The following PNPLA7 variants were observed in gnomAD, a reference collection of about 807,000 sequenced individuals.
PNPLA7 encodes the protein patatin like domain 7, lysophospholipase.
Under a neutral mutation model 161.7 loss-of-function variants are expected in PNPLA7, and 153 were observed. That is an observed-to-expected ratio of 0.95 (90% CI 0.83 to 1.08). The LOEUF is 1.08. Among genes scored for constraint, PNPLA7 ranks in the 50% least tolerant of loss-of-function variants. The probability of loss-of-function intolerance (pLI) is 0.00; values close to 1 mark genes in which losing one functional copy is unlikely to be tolerated. For missense variants in PNPLA7, 1,739 were observed against 1,856.6 expected (o/e 0.94, Z 1.16); for synonymous variants, 809 against 782.1 (o/e 1.03, Z -0.57).
In PNPLA7 at chr9:137,541,569, G is replaced by T; in HGVS notation, c.667-847C>A. The T allele has an allele frequency of 1.2e-6, 1 of 859,288 alleles. No individual in the cohort carries two copies. Among genetic ancestry groups the T allele is most frequent in the Non-Finnish European group, 1.4e-6 (1 of 714,712 alleles). The allele number at this position is 859,288 out of a possible 1,614,324, so 53.2% of individuals were successfully genotyped here. ...GATGATCACACAAAGCCCAGGGTTT[G>T]CTGAGTGCGTGCTTTAAATGAGAAC... On this transcript the variant is annotated intron_variant, in intron 7 of 34. Coordinates refer to ENST00000406427, the MANE Select transcript of PNPLA7 (RefSeq NM_001098537.3). The surrounding 1 kb of genome is among the most constrained non-coding windows in gnomAD (Gnocchi z 4.4).
intron 17 of PNPLA7, 67 bp from the exon 18 acceptor site, chr9:137,497,377 A>G (rs1833121554): frequency 2.9e-6 from 4 of 1,373,214 alleles, no homozygotes; most frequent in East Asian, 2.9e-5. Context: ...CAGCTTCCCA[A>G]TGCCAGACAG....
intron 12 of PNPLA7, among the ~76,000 whole-genome samples, chr9:137,506,786 C>T (rs1481293628): frequency 6.6e-6 from 1 of 152,246 alleles, no homozygotes; most frequent in African/African-American, 2.4e-5. Flanking sequence ...GCTGTGGATT[C>T]TGAGGAAGGG....
chr9:137,491,973 C>T, intron 20 of PNPLA7: 3 of 985,446 alleles, frequency 3.0e-6, no homozygotes, highest in Non-Finnish European at 3.6e-6. Flanking sequence ...CAGCCAGGCT[C>T]TTCTGAGGGC....
chr9:137,481,762 T>C (rs528690739), intron 21 of PNPLA7, among the ~76,000 whole-genome samples: 72 of 152,172 alleles, frequency 4.7e-4, no homozygotes, highest in African/African-American at 1.1e-3. Flanking sequence ...CCGGTGAAAC[T>C]CCATCTCTAC....
intron 33 of PNPLA7, 87 bp downstream of exon 33, chr9:137,461,449 G>C: frequency 1.5e-6 from 2 of 1,366,490 alleles, no homozygotes; most frequent in East Asian, 5.1e-5. Context: ...GGGAGGCCGT[G>C]GGCCTCTGGG....
intron 26 of PNPLA7, among the ~76,000 whole-genome samples, chr9:137,465,287 C>T (rs374317149): frequency 6.6e-6 from 1 of 152,314 alleles, no homozygotes; most frequent in East Asian, 1.9e-4. Flanking sequence ...CCACTGTCCC[C>T]TCTCCTCAGC....
intron 9 of PNPLA7, among the ~76,000 whole-genome samples, chr9:137,522,326 G>C (rs549836337): frequency 6.6e-6 from 1 of 151,452 alleles, no homozygotes; most frequent in Non-Finnish European, 1.5e-5. Context: ...CGCCCACCTC[G>C]GCCTCCCACA....
At position 137,540,852 on chromosome 9, in the gene PNPLA7, G is replaced by T. The variant is rs773557693; in HGVS notation, c.667-130C>A. 5 of 762,996 alleles carry T rather than the reference G, an allele frequency of 6.6e-6. No homozygotes were observed. The highest frequency in any genetic ancestry group is 1.1e-5 in the Non-Finnish European group (5 of 453,276). 47.3% of individuals were successfully genotyped at this position (762,996 alleles called of 1,614,324 possible). On this transcript the variant is annotated intron_variant, in intron 7 of 34. Coordinates refer to ENST00000406427, the MANE Select transcript of PNPLA7 (RefSeq NM_001098537.3). This position sits in a 1 kb window ranked among gnomAD's most constrained non-coding sequence, Gnocchi z 5.1. ...CTCTGAGGCGCCATGAGAGCAGCAG[G>T]CACCTTGGATGGAGGGCAGGGGACA...
intron 16 of PNPLA7, among the ~76,000 whole-genome samples, chr9:137,498,487 A>G (rs1833191188): frequency 6.6e-6 from 1 of 152,228 alleles, no homozygotes; most frequent in Admixed American, 6.5e-5. Context: ...CCCTCCTGGC[A>G]GGCCCGCGAG....
At position 137,461,936 on chromosome 9, in the gene PNPLA7, T is replaced by C. The variant is rs1245528757; in HGVS notation, c.3751A>G (p.Ser1251Gly). 3 of 1,570,350 alleles carry C rather than the reference T, an allele frequency of 1.9e-6. No individual in the cohort carries two copies. The highest frequency in any genetic ancestry group is 2.6e-6 in the Non-Finnish European group (3 of 1,163,304). ...GTCCGGACGCCCGTACTCACCGCAC[T>C]CGCGGGCTTCTTGCTCGGCCCCTGC... ...DQQGPSKKPASAVLTCPNASF... is the reference protein window; with the variant it reads ...DQQGPSKKPAGAVLTCPNASF... The change falls in exon 32 of 35, where the codon AGT becomes GGT. Residue 1251 changes from serine (S) to glycine (G), a missense_variant. Around this residue, in one of 6 missense-constraint regions of PNPLA7, gnomAD observed 703 missense variants for 694.6 expected, o/e 1.01. Transcript: ENST00000406427.
At chr9:137,525,692 G>A (rs998254994) in intron 8 of PNPLA7, among the ~76,000 whole-genome samples, 7 of 150,094 alleles carry the variant, frequency 4.7e-5, no homozygotes, top group Non-Finnish European at 7.4e-5. Context: ...GAGCGTGACC[G>A]CTGAAGCACA....
intron 33 of PNPLA7, 196 bp from the exon 34 acceptor site, chr9:137,460,933 C>T (rs1403889709): frequency 1.7e-6 from 1 of 576,950 alleles, no homozygotes; most frequent in African/African-American, 1.9e-5. Flanking sequence ...AGCTTTGCCC[C>T]AGCACATCAC....
In PNPLA7 at chr9:137,524,392, G is replaced by A. The variant is rs1835194393; in HGVS notation, c.748-1535C>T. 6.6e-6 allele frequency among the ~76,000 whole-genome samples: 1 copy of A among 151,102 alleles called. No individual in the cohort carries two copies. The highest frequency in any genetic ancestry group is 1.5e-5 in the Non-Finnish European group (1 of 67,700). On this transcript the variant is annotated intron_variant, in intron 8 of 34. Transcript: ENST00000406427. The surrounding 1 kb of genome is among the most constrained non-coding windows in gnomAD (Gnocchi z 4.4). Reference sequence around the variant, plus strand: ...CAGAGGCCTGTGCCTTGGCTCCTGAGTGCTGGCTGCCTCATGGAGGCCTTG... The same window carrying A: ...CAGAGGCCTGTGCCTTGGCTCCTGAATGCTGGCTGCCTCATGGAGGCCTTG...
intron 29 of PNPLA7, chr9:137,463,126 G>A (rs915608965): frequency 1.7e-6 from 1 of 590,482 alleles, no homozygotes; most frequent in Non-Finnish European, 3.0e-6. Context: ...GCACAGATGG[G>A]GCTTAATTGC....
chr9:137,464,241 T>C, intron 27 of PNPLA7, 46 bp from the exon 28 acceptor site: 2 of 1,611,364 alleles, frequency 1.2e-6, no homozygotes, highest in Non-Finnish European at 1.7e-6. Flanking sequence ...ATCACGCTCC[T>C]GTCCTGTGTC....
Position 137,480,980 on chromosome 9 carries a change from A to C in PNPLA7, c.2391T>G (p.Leu797=). Residue 797 remains leucine (L), a synonymous_variant, in exon 22 of 35, where the codon CTT becomes CTG. Coordinates refer to ENST00000406427, the MANE Select transcript of PNPLA7 (RefSeq NM_001098537.3). The stretch of plus-strand genomic sequence containing the variant: ...CGCACCTGTCCAGGGCAGCGGAGCC[A>C]AGGCGCCGTTTTATGTTGTCACTAG... ...LLTSDNIKRR[L]GSAALDSVHE... is the part of the protein sequence containing the mutation. 1 of 1,551,584 alleles carries C rather than the reference A, an allele frequency of 6.4e-7. No homozygotes were observed. Among genetic ancestry groups the C allele is most frequent in the Non-Finnish European group, 8.7e-7 (1 of 1,146,920 alleles).
At chr9:137,504,814 G>C (rs1425457655) in intron 14 of PNPLA7, among the ~76,000 whole-genome samples, 1 of 152,148 alleles carries the variant, frequency 6.6e-6, no homozygotes, top group African/African-American at 2.4e-5. Context: ...AAAGTGATTA[G>C]CCATGATTGG....
chr9:137,484,477 G>T, intron 21 of PNPLA7, 110 bp downstream of exon 21: 1 of 1,260,856 alleles, frequency 7.9e-7, no homozygotes, highest in Non-Finnish European at 1.1e-6. Flanking sequence ...CCCCAACTGA[G>T]CCCTGCCCAC....
At chr9:137,546,359 C>A (rs538321946) in intron 4 of PNPLA7, among the ~76,000 whole-genome samples, 1 of 151,986 alleles carries the variant, frequency 6.6e-6, no homozygotes, top group South Asian at 2.1e-4. Context: ...CATTCAGGGC[C>A]ACTACTGGTC....
Sources: allele counts gnomAD v4.1 joint callset (sites outside exome capture counted in the v4.1 genomes callset), GRCh38; gene constraint gnomAD v4.1.1; regional missense constraint gnomAD v4.1.1; non-coding constraint Gnocchi (gnomAD v3.1); transcripts MANE v1.5; gene names NCBI Gene and HGNC (gene_info 2026-07-23, HGNC 2026-07-21).